Variants in FGF1 observed in about 807,000 individuals in gnomAD.
FGF1 encodes beta-endothelial cell growth factor.
A neutral mutation model predicts 13.4 loss-of-function variants in FGF1; 9 were observed. The ratio of observed to expected loss-of-function variants is 0.67; its 90% CI spans 0.40 to 1.17. The LOEUF is 1.17. FGF1 is among the 50% of genes most tolerant of loss of function. FGF1 has a pLI of 0.01. For synonymous variants in FGF1, 93 were observed against 79.0 expected (o/e 1.18, Z -0.94); for missense variants, 156 against 192.7 (o/e 0.81, Z 1.13).
intron 1 of FGF1, among the ~76,000 whole-genome samples, chr5:142,619,092 G>A (rs1760922675): frequency 1.3e-5 from 2 of 151,684 alleles, no homozygotes; most frequent in African/African-American, 2.4e-5. Flanking sequence ...CTGCCACCGC[G>A]CCCGGCTAAT....
At chr5:142,634,064 G>A (rs977188715) in intron 1 of FGF1, among the ~76,000 whole-genome samples, 1 of 151,910 alleles carries the variant, frequency 6.6e-6, no homozygotes, top group Non-Finnish European at 1.5e-5. Context: ...GTGGTGGCGG[G>A]CGCCTGTAGT....
chr5:142,669,080 G>C (rs939322345), intron 1 of FGF1, among the ~76,000 whole-genome samples: 1 of 152,236 alleles, frequency 6.6e-6, no homozygotes, highest in African/African-American at 2.4e-5. Flanking sequence ...CTGAGCGGGG[G>C]GTTTTCAGGG....
intron 1 of FGF1, among the ~76,000 whole-genome samples, chr5:142,638,126 T>A (rs1764592198): frequency 6.6e-6 from 1 of 152,038 alleles, no homozygotes; most frequent in Non-Finnish European, 1.5e-5. Context: ...TGACCCACTC[T>A]GCCCCCAAGC....
intron 1 of FGF1, among the ~76,000 whole-genome samples, chr5:142,659,181 A>T (rs903745664): frequency 1.4e-5 from 2 of 147,508 alleles, no homozygotes; most frequent in Non-Finnish European, 3.0e-5. Context: ...AAAGATAATA[A>T]TTTTTTTTGT....
intron 1 of FGF1, among the ~76,000 whole-genome samples, chr5:142,644,694 G>C (rs1182619486): frequency 6.6e-6 from 1 of 152,162 alleles, no homozygotes; most frequent in Non-Finnish European, 1.5e-5. Flanking sequence ...ATTCTGTTAT[G>C]ATATTTTACT....
intron 3 of FGF1, among the ~76,000 whole-genome samples, chr5:142,598,108 T>C (rs1439150761): frequency 2.0e-5 from 3 of 152,160 alleles, no homozygotes; most frequent in Admixed American, 6.5e-5. Context: ...GTTTGATGCA[T>C]GTTGTTGGGG....
intron 1 of FGF1, among the ~76,000 whole-genome samples, chr5:142,660,976 G>A (rs1769112917): frequency 6.6e-6 from 1 of 152,228 alleles, no homozygotes; most frequent in South Asian, 2.1e-4. Flanking sequence ...GCTCCAAATG[G>A]AACATGGTTT....
At chr5:142,689,436 C>T (rs1751778360), upstream of FGF1, among the ~76,000 whole-genome samples, 1 of 152,154 alleles carries the variant, frequency 6.6e-6, no homozygotes, top group Non-Finnish European at 1.5e-5. Context: ...GTATTCGTTG[C>T]TCAAGGAGAC....
intron 1 of FGF1, among the ~76,000 whole-genome samples, chr5:142,668,472 C>T (rs1770856628): frequency 6.6e-6 from 1 of 152,178 alleles, no homozygotes; most frequent in Admixed American, 6.5e-5. Context: ...TCTTGACACC[C>T]CTCCCTGCCC....
chr5:142,621,482 T>A (rs2151900917), intron 1 of FGF1: 1 of 151,664 alleles, frequency 6.6e-6, no homozygotes, highest in East Asian at 2.0e-4. Flanking sequence ...TATTTCCTCC[T>A]CGAGCAAGCC....
intron 1 of FGF1, among the ~76,000 whole-genome samples, chr5:142,640,644 A>G (rs1765049587): frequency 6.6e-6 from 1 of 152,040 alleles, no homozygotes; most frequent in African/African-American, 2.4e-5. Flanking sequence ...TAATCCACCA[A>G]TTGAGGGGTA....
At chr5:142,630,387 G>A (rs369467996) in intron 1 of FGF1, among the ~76,000 whole-genome samples, 14 of 152,046 alleles carry the variant, frequency 9.2e-5, no homozygotes, top group Non-Finnish European at 1.8e-4. Flanking sequence ...TCCAATTCAC[G>A]AGCAGCTCCT....
In FGF1 at chr5:142,593,094, G is replaced by C. The variant is rs1754586175; in HGVS notation, c.*2196C>G. On this transcript the variant is annotated 3_prime_UTR_variant, in exon 4 of 4. Coordinates refer to ENST00000337706, the MANE Select transcript of FGF1 (RefSeq NM_000800.5). Reference sequence around the variant, plus strand: ...ATTGGTGTTTTTACTACAATGCTTTGCATCTCCGAAATCACAGACTTCCAT... The same window carrying C: ...ATTGGTGTTTTTACTACAATGCTTTCCATCTCCGAAATCACAGACTTCCAT... The C allele has an allele frequency of 6.6e-6, 1 of 152,196 alleles. No homozygotes were observed. Among genetic ancestry groups the C allele is most frequent in the East Asian group, 1.9e-4 (1 of 5,202 alleles). 9.4% of individuals were successfully genotyped at this position (152,196 alleles called of 1,614,324 possible).
intron 1 of FGF1, chr5:142,680,052 T>C (rs1773419062): frequency 6.6e-6 from 1 of 152,226 alleles, no homozygotes; most frequent in Non-Finnish European, 1.5e-5. Context: ...CTATGTCCAC[T>C]CACTTTGTCT....
chr5:142,598,033 A>G (rs901685230), intron 3 of FGF1, among the ~76,000 whole-genome samples: 2 of 152,232 alleles, frequency 1.3e-5, no homozygotes, highest in African/African-American at 4.8e-5. Context: ...ACAAGATGAG[A>G]TATAAATATA....
At chr5:142,683,119 G>A (rs186862856) in intron 1 of FGF1, among the ~76,000 whole-genome samples, 3 of 152,310 alleles carry the variant, frequency 2.0e-5, no homozygotes, top group Non-Finnish European at 2.9e-5. Flanking sequence ...TTTACCTAAA[G>A]CATGGTATGC....
At chr5:142,636,884 A>C (rs1764338268) in intron 1 of FGF1, among the ~76,000 whole-genome samples, 1 of 152,004 alleles carries the variant, frequency 6.6e-6, no homozygotes, top group African/African-American at 2.4e-5. Context: ...TCCTGTAGGC[A>C]CCTGTCTGAA....
At chr5:142,663,675 A>C (rs1769735989) in intron 1 of FGF1, among the ~76,000 whole-genome samples, 1 of 152,212 alleles carries the variant, frequency 6.6e-6, no homozygotes, top group African/African-American at 2.4e-5. Context: ...CAAAGCAAGG[A>C]AACTTGTCCA....
intron 2 of FGF1, among the ~76,000 whole-genome samples, chr5:142,606,621 C>CAAGAA (rs554049349): frequency 2.1e-3 from 322 of 151,940 alleles, no homozygotes; most frequent in African/African-American, 7.1e-3. Flanking sequence ...GATTCCATCT[C>CAAGAA]AAGAAAAGAA....
Sources: gnomAD v4.1 joint callset for allele counts (sites outside exome capture counted in the v4.1 genomes callset) on GRCh38, gnomAD v4.1.1 for gene constraint, MANE v1.5 for transcripts, NCBI Gene and HGNC (gene_info 2026-07-23, HGNC 2026-07-21) for gene names.